CHST9: variants seen among roughly 807,000 people sequenced by gnomAD.
The protein encoded by CHST9 is carbohydrate sulfotransferase 9.
CHST9 carries 41 observed loss-of-function variants against 44.4 expected under a neutral mutation model. The ratio of observed to expected loss-of-function variants is 0.92; its 90% CI spans 0.72 to 1.20. The LOEUF (loss-of-function observed/expected upper bound fraction) is 1.20, where lower values mean the gene tolerates loss of function less well. Ranked by LOEUF, CHST9 falls within the 50% of genes most tolerant of loss-of-function variation. CHST9 has a pLI of 0.00. For synonymous variants in CHST9, 171 were observed against 178.4 expected (o/e 0.96, Z 0.33); for missense variants, 504 against 516.5 (o/e 0.98, Z 0.23).
intron 4 of CHST9, among the ~76,000 whole-genome samples, chr18:26,978,347 T>C (rs2056650748): frequency 6.6e-6 from 1 of 152,030 alleles, no homozygotes; most frequent in East Asian, 1.9e-4. Flanking sequence ...CAATATCTAT[T>C]TAGATACTTT....
chr18:26,933,799 GGACA>G (rs1205628463), intron 5 of CHST9: 3 of 153,282 alleles, frequency 2.0e-5, no homozygotes, highest in Non-Finnish European at 2.9e-5. Flanking sequence ...GGAAAAAATT[GGACA>G]GACAAAAAAT....
intron 4 of CHST9, among the ~76,000 whole-genome samples, chr18:26,961,210 G>A (rs193291550): frequency 3.1e-4 from 47 of 152,264 alleles, no homozygotes; most frequent in African/African-American, 1.1e-3. Context: ...GCACAACTCC[G>A]TGCAGCAATT....
At chr18:27,034,362 C>T (rs551230657) in intron 3 of CHST9, among the ~76,000 whole-genome samples, 6 of 152,250 alleles carry the variant, frequency 3.9e-5, no homozygotes, top group African/African-American at 9.6e-5. Flanking sequence ...ACCTTGGTCT[C>T]GGCCACTTCA....
intron 3 of CHST9, among the ~76,000 whole-genome samples, chr18:27,041,827 A>G (rs2057448881): frequency 1.3e-5 from 2 of 152,194 alleles, no homozygotes; most frequent in South Asian, 4.1e-4. Context: ...ATTTGTTTAA[A>G]GATAAAACCT....
At chr18:27,076,112 T>C (rs1905909) in intron 2 of CHST9, among the ~76,000 whole-genome samples, 74,515 of 152,130 alleles carry the variant, frequency 0.49, 19,362 homozygotes, top group East Asian at 0.65. Flanking sequence ...TGACATTTCT[T>C]AATATTCATA....
intron 2 of CHST9, among the ~76,000 whole-genome samples, chr18:27,054,815 T>C (rs1487711731): frequency 1.3e-5 from 2 of 152,182 alleles, no homozygotes; most frequent in Non-Finnish European, 2.9e-5. Flanking sequence ...TATGTGTGTG[T>C]GTGTGCGTGC....
At chr18:27,048,732 T>A (rs970552545) in intron 2 of CHST9, among the ~76,000 whole-genome samples, 1 of 152,188 alleles carries the variant, frequency 6.6e-6, no homozygotes, top group Non-Finnish European at 1.5e-5. Context: ...GTTGGATTTT[T>A]AAAATCTTGT....
intron 3 of CHST9, among the ~76,000 whole-genome samples, chr18:27,037,284 GA>G (rs1173778370): frequency 6.6e-6 from 1 of 152,086 alleles, no homozygotes; most frequent in Non-Finnish European, 1.5e-5. Context: ...ATTTTCTCAT[GA>G]GTAACGATAA....
At chr18:27,141,968 T>A (rs1479134388) in intron 2 of CHST9, among the ~76,000 whole-genome samples, 1 of 152,178 alleles carries the variant, frequency 6.6e-6, no homozygotes, top group East Asian at 1.9e-4. Flanking sequence ...TAACAGTAAG[T>A]GAGTGCCTCC....
intron 2 of CHST9, among the ~76,000 whole-genome samples, chr18:27,129,644 C>T (rs966294812): frequency 1.3e-5 from 2 of 152,084 alleles, no homozygotes; most frequent in Non-Finnish European, 2.9e-5. Context: ...CCATCAGCCT[C>T]GGCCTCCCAA....
chr18:26,982,573 GAC>G (rs2056705551), intron 4 of CHST9, among the ~76,000 whole-genome samples: 1 of 152,122 alleles, frequency 6.6e-6, no homozygotes, highest in African/African-American at 2.4e-5. Context: ...GGGGACGGGG[GAC>G]ACACAGTGAA....
chr18:27,052,997 G>T (rs1419923628), intron 2 of CHST9, among the ~76,000 whole-genome samples: 1 of 151,500 alleles, frequency 6.6e-6, no homozygotes, highest in Non-Finnish European at 1.5e-5. Context: ...TAGATGACAG[G>T]TTGATAGGTG....
At chr18:27,090,580 G>T (rs1469793856) in intron 2 of CHST9, among the ~76,000 whole-genome samples, 1 of 152,138 alleles carries the variant, frequency 6.6e-6, no homozygotes, top group African/African-American at 2.4e-5. Context: ...ATGGATTTAG[G>T]TCTAACATTT....
chr18:27,126,344 G>A (rs1181846216), intron 2 of CHST9, among the ~76,000 whole-genome samples: 2 of 152,144 alleles, frequency 1.3e-5, no homozygotes, highest in African/African-American at 4.8e-5. Context: ...GGATGCAATG[G>A]TACAATGTTC....
chr18:27,078,434 C>A (rs1438903229), intron 2 of CHST9, among the ~76,000 whole-genome samples: 1 of 152,014 alleles, frequency 6.6e-6, no homozygotes, highest in Non-Finnish European at 1.5e-5. Context: ...GAATACTGAA[C>A]CATTGCGCTT....
At position 26,909,909 on chromosome 18, in the gene CHST9, C is replaced by T. The variant is rs1407127865; in HGVS notation, c.*6350G>A. On this transcript the variant is annotated 3_prime_UTR_variant, in exon 6 of 6. Coordinates refer to ENST00000618847, the MANE Select transcript of CHST9 (RefSeq NM_031422.6). ...AATAGCAGGAAGTAGGGTGGAGAGG[C>T]ATGTTATAAATCAGAAAGAAGAATC... 1 of 152,092 alleles carries T rather than the reference C, an allele frequency of 6.6e-6. No individual in the cohort carries two copies. The highest frequency in any genetic ancestry group is 2.4e-5 in the African/African-American group (1 of 41,382). The allele number at this position is 152,092 out of a possible 1,614,324, so 9.4% of individuals were successfully genotyped here.
intron 4 of CHST9, among the ~76,000 whole-genome samples, chr18:26,962,769 C>T (rs1598598424): frequency 6.6e-6 from 1 of 152,200 alleles, no homozygotes; most frequent in Middle Eastern, 3.4e-3. Context: ...TTGCTTATCA[C>T]CTGGGTATTG....
Position 26,992,120 on chromosome 18 carries a change from T to C in CHST9, c.202+31996A>G, listed in dbSNP as rs1383087477. 2.4e-5 allele frequency among the ~76,000 whole-genome samples: 3 copies of C among 127,032 alleles called. 1 individual carries two copies. The highest frequency in any genetic ancestry group is 8.0e-5 in the African/African-American group (3 of 37,590). The allele number at this position is 127,032 out of a possible 152,430, so 83.3% of individuals were successfully genotyped here. Reference sequence around the variant, plus strand: ...TTCCTATGTTTGGGGATCCCAACTTTGAGGTTGAGCCCACACATCCTAGAT... The same window carrying C: ...TTCCTATGTTTGGGGATCCCAACTTCGAGGTTGAGCCCACACATCCTAGAT... On this transcript the variant is annotated intron_variant, in intron 4 of 5. Transcript: ENST00000618847.
At chr18:27,021,975 A>G (rs1307502248) in intron 4 of CHST9, among the ~76,000 whole-genome samples, 1 of 151,502 alleles carries the variant, frequency 6.6e-6, no homozygotes, top group Non-Finnish European at 1.5e-5. Flanking sequence ...ACATGCCCCT[A>G]TGCCCAGCTT....
Sources: allele counts gnomAD v4.1 joint callset (sites outside exome capture counted in the v4.1 genomes callset), GRCh38; gene constraint gnomAD v4.1.1; transcripts MANE v1.5; gene names NCBI Gene and HGNC (gene_info 2026-07-23, HGNC 2026-07-21).